FHIP1A: variants seen among roughly 807,000 people sequenced by gnomAD.
The protein encoded by FHIP1A is FHF complex subunit HOOK-interacting protein 1A.
A neutral mutation model predicts 88.6 loss-of-function variants in FHIP1A; 61 were observed. That is an observed-to-expected ratio of 0.69 (90% CI 0.56 to 0.85). The LOEUF is 0.85. Ranked by LOEUF, FHIP1A falls within the 40% of genes least tolerant of loss-of-function variation. FHIP1A has a pLI of 0.00. For missense variants in FHIP1A, 1,154 were observed against 1,273.5 expected, an observed-to-expected ratio of 0.91 and a Z score of 1.43; for synonymous variants, 478 against 496.0, an observed-to-expected ratio of 0.96 and a Z score of 0.48.
intron 3 of FHIP1A, among the ~76,000 whole-genome samples, chr4:151,484,470 A>G (rs2126637976): frequency 6.6e-6 from 1 of 152,314 alleles, no homozygotes; most frequent in East Asian, 1.9e-4. Flanking sequence ...CAAGGATACT[A>G]AGAAGGTAGA....
At chr4:151,455,507 CT>C (rs1428385457) in intron 2 of FHIP1A, among the ~76,000 whole-genome samples, 2 of 152,208 alleles carry the variant, frequency 1.3e-5, no homozygotes, top group African/African-American at 4.8e-5. Context: ...CACTGCATGC[CT>C]TTCCAAAGGA....
intron 3 of FHIP1A, among the ~76,000 whole-genome samples, chr4:151,502,862 C>T (rs972655627): frequency 1.3e-5 from 2 of 152,194 alleles, no homozygotes; most frequent in African/African-American, 4.8e-5. Context: ...TGTCTTCACG[C>T]AGTCCTTACA....
At chr4:151,541,961 C>T (rs1732311438) in intron 3 of FHIP1A, among the ~76,000 whole-genome samples, 2 of 152,194 alleles carry the variant, frequency 1.3e-5, no homozygotes, top group Admixed American at 1.3e-4. Context: ...TGGAGAATCT[C>T]TGACTGGCCT....
At chr4:151,552,121 G>A (rs746602271) in intron 3 of FHIP1A, among the ~76,000 whole-genome samples, 34 of 152,144 alleles carry the variant, frequency 2.2e-4, no homozygotes, top group Non-Finnish European at 3.5e-4. Flanking sequence ...TCAAAACCAC[G>A]TAAGATACCA....
At chr4:151,597,856 C>T (rs1338169655) in intron 7 of FHIP1A, among the ~76,000 whole-genome samples, 1 of 152,150 alleles carries the variant, frequency 6.6e-6, no homozygotes, top group African/African-American at 2.4e-5. Flanking sequence ...ACTCAAGCCT[C>T]AGTAATGGTG....
intron 3 of FHIP1A, among the ~76,000 whole-genome samples, chr4:151,525,612 G>A (rs1196984361): frequency 6.6e-6 from 1 of 152,108 alleles, no homozygotes; most frequent in African/African-American, 2.4e-5. Context: ...TTGAATAACT[G>A]TTTTGAAATT....
intron 5 of FHIP1A, among the ~76,000 whole-genome samples, chr4:151,580,883 A>G (rs1376888149): frequency 6.6e-6 from 1 of 152,204 alleles, no homozygotes; most frequent in African/African-American, 2.4e-5. Context: ...ATTGAGACAG[A>G]GTCTCACTCT....
At chr4:151,577,302 G>GACACAC (rs144415896) in intron 4 of FHIP1A, 148 bp from the exon 5 acceptor site, 7 of 598,978 alleles carry the variant, frequency 1.2e-5, no homozygotes, top group Non-Finnish European at 1.7e-5. Flanking sequence ...TTGAGAGGGA[G>GACACAC]ACACACACAC....
At chr4:151,590,504 G>A (rs1734383253) in intron 7 of FHIP1A, among the ~76,000 whole-genome samples, 1 of 152,224 alleles carries the variant, frequency 6.6e-6, no homozygotes, top group Non-Finnish European at 1.5e-5. Flanking sequence ...TACAGGTAAA[G>A]TTAAATCATT....
chr4:151,567,754 T>G (rs1733443239), intron 4 of FHIP1A, among the ~76,000 whole-genome samples: 1 of 152,166 alleles, frequency 6.6e-6, no homozygotes, highest in Non-Finnish European at 1.5e-5. Context: ...CATTATACAT[T>G]TGTATATTAG....
Position 151,650,271 on chromosome 4 carries a change from GCCCA to G in FHIP1A, c.2234_2237del (p.His745ArgfsTer24), listed in dbSNP as rs1221770533. On this transcript the variant is annotated frameshift_variant, in exon 11 of 14. Coordinates refer to ENST00000435205, the MANE Select transcript of FHIP1A (RefSeq NM_001109977.3). LOFTEE classifies it high-confidence loss of function. ...AGAGCACAGCTCTAACCTGACAGCC[GCCCA>G]CCCGGAGAGCGAGGAGCTCATTGCC... The G allele has an allele frequency of 1.9e-6, 3 of 1,551,570 alleles. No homozygotes were observed. In the African/African-American group the frequency reaches 4.1e-5, roughly 21 times the overall value.
chr4:151,649,851 G>T lies in FHIP1A; in HGVS notation c.1810G>T (p.Val604Phe). 1 of 1,551,604 alleles carries T rather than the reference G, an allele frequency of 6.4e-7. No individual in the cohort carries two copies. Residue 604 changes from valine to phenylalanine, a missense_variant, in exon 11 of 14, where the codon GTT becomes TTT. Transcript: ENST00000435205. ...GSPGPYDDLEVSGPPAPIDPP... is the reference protein window; with the variant it reads ...GSPGPYDDLEFSGPPAPIDPP... ...CCCAGGGCCTTATGATGATCTGGAGGTTTCAGGCCCCCCAGCACCCATTGA... is the reference window on the plus strand; with the variant it reads ...CCCAGGGCCTTATGATGATCTGGAGTTTTCAGGCCCCCCAGCACCCATTGA...
chr4:151,455,066 G>C (rs1193709264), intron 2 of FHIP1A, among the ~76,000 whole-genome samples: 1 of 152,150 alleles, frequency 6.6e-6, no homozygotes, highest in Non-Finnish European at 1.5e-5. Context: ...GATTTGTATA[G>C]ATGATGATTT....
chr4:151,490,301 C>A (rs1418197325), intron 3 of FHIP1A, among the ~76,000 whole-genome samples: 1 of 152,192 alleles, frequency 6.6e-6, no homozygotes, highest in Non-Finnish European at 1.5e-5. Context: ...GTATCCATGG[C>A]TAGGATACTT....
chr4:151,484,750 G>A, intron 3 of FHIP1A, among the ~76,000 whole-genome samples: 1 of 152,238 alleles, frequency 6.6e-6, no homozygotes, highest in East Asian at 1.9e-4. Context: ...CAAATAGCAG[G>A]TGGATAGAGG....
chr4:151,501,683 A>AT (rs1418908394), intron 3 of FHIP1A, among the ~76,000 whole-genome samples: 1 of 150,614 alleles, frequency 6.6e-6, no homozygotes, highest in African/African-American at 2.4e-5. Context: ...GATTTTGAAC[A>AT]TTTTTTCATG....
At chr4:151,443,781 A>G (rs896886631) in intron 1 of FHIP1A, among the ~76,000 whole-genome samples, 1 of 149,314 alleles carries the variant, frequency 6.7e-6, no homozygotes, top group Non-Finnish European at 1.5e-5. Flanking sequence ...GCCGTGAGGA[A>G]GTATTTACTC....
At chr4:151,516,445 A>G (rs946819378) in intron 3 of FHIP1A, among the ~76,000 whole-genome samples, 5 of 152,170 alleles carry the variant, frequency 3.3e-5, no homozygotes, top group African/African-American at 1.2e-4. Flanking sequence ...GCCAAAATTG[A>G]CAAATGGGAT....
chr4:151,557,717 A>G (rs1419011508), intron 3 of FHIP1A, among the ~76,000 whole-genome samples: 1 of 152,226 alleles, frequency 6.6e-6, no homozygotes, highest in Non-Finnish European at 1.5e-5. Context: ...GAAGTTGCTC[A>G]GTATAAGTTG....
Sources: gnomAD v4.1 joint callset for allele counts (sites outside exome capture counted in the v4.1 genomes callset) on GRCh38, gnomAD v4.1.1 for gene constraint, MANE v1.5 for transcripts, NCBI Gene and HGNC (gene_info 2026-07-23, HGNC 2026-07-21) for gene names.